The following CRISPLD1 variants were observed in gnomAD, a reference collection of about 807,000 sequenced individuals.
The protein encoded by CRISPLD1 is cysteine rich secretory protein LCCL domain containing 1.
In CRISPLD1, 60 loss-of-function variants were observed where a neutral mutation model predicts 77.5. The observed-to-expected ratio is 0.77, with a 90% CI of 0.63 to 0.96. CRISPLD1 has a LOEUF of 0.96. Among genes scored for constraint, CRISPLD1 ranks in the 40% least tolerant of loss-of-function variants. CRISPLD1 has a pLI of 0.00. For synonymous variants in CRISPLD1, 195 were observed against 200.1 expected, an observed-to-expected ratio of 0.97 and a Z score of 0.22; for missense variants, 623 against 615.8, an observed-to-expected ratio of 1.01 and a Z score of -0.12.
In CRISPLD1 at chr8:75,005,650, T is replaced by C. The variant is rs139043417; in HGVS notation, c.259-6783T>C. Among the ~76,000 whole-genome samples the C allele has an allele frequency of 5.9e-5, 9 of 152,218 alleles. No homozygotes were observed. The East Asian group carries it at 1.7e-3, about 29-fold the overall frequency. ...CTTGACTGCTCAGAACTGGGATAGG[T>C]AGGATTAGAGATATTGGAGTGCTTT... is the stretch of plus-strand genomic sequence containing the variant. On this transcript the variant is annotated intron_variant, in intron 2 of 14. Coordinates refer to ENST00000262207, the MANE Select transcript of CRISPLD1 (RefSeq NM_031461.6).
At chr8:74,997,250 TA>T (rs1812660320) in intron 2 of CRISPLD1, among the ~76,000 whole-genome samples, 1 of 152,034 alleles carries the variant, frequency 6.6e-6, no homozygotes, top group Non-Finnish European at 1.5e-5. Context: ...ATCAGGGTGA[TA>T]GGGGTAAAGA....
chr8:75,000,258 A>G lies in CRISPLD1; in HGVS notation c.259-12175A>G, dbSNP rs576111618. The G allele has an allele frequency of 5.5e-4, 540 of 985,332 alleles. 6 individuals are homozygous for G. In the South Asian group the frequency reaches 0.023, roughly 43 times the overall value. The allele number at this position is 985,332 out of a possible 1,614,324, so 61.0% of individuals were successfully genotyped here. A position where few individuals can be genotyped will look rare whatever the true frequency, so the allele number is the denominator to read the frequency against. On this transcript the variant is annotated intron_variant, in intron 2 of 14. Coordinates refer to ENST00000262207, the MANE Select transcript of CRISPLD1 (RefSeq NM_031461.6). ...AATCTGTATCTGAAATAGTGAATGA[A>G]TGAGATCAGATGTTGTCCAGAGAAG...
intron 14 of CRISPLD1, among the ~76,000 whole-genome samples, chr8:75,030,934 A>G (rs186050503): frequency 4.9e-4 from 74 of 152,138 alleles, no homozygotes; most frequent in African/African-American, 1.7e-3. Flanking sequence ...ATACATATAT[A>G]TATGTTAACT....
chr8:75,016,271 A>T (rs1281719839), intron 6 of CRISPLD1, among the ~76,000 whole-genome samples: 1 of 151,460 alleles, frequency 6.6e-6, no homozygotes, highest in Non-Finnish European at 1.5e-5. Context: ...TCATGGTGTC[A>T]TTATGAAAAT....
chr8:74,988,571 C>T (rs1812528765), intron 2 of CRISPLD1, among the ~76,000 whole-genome samples: 1 of 152,098 alleles, frequency 6.6e-6, no homozygotes, highest in Admixed American at 6.6e-5. Context: ...CACAGTGGTT[C>T]ACATCTGTAA....
At chr8:75,016,529 A>G (rs763886471) in intron 6 of CRISPLD1, 36 bp from the exon 7 acceptor site, 46 of 1,569,376 alleles carry the variant, frequency 2.9e-5, no homozygotes, top group Admixed American at 3.7e-5. Context: ...CATGTAAAAT[A>G]GGGTTAATAT....
intron 2 of CRISPLD1, among the ~76,000 whole-genome samples, chr8:74,993,771 T>A (rs756020194): frequency 2.6e-5 from 4 of 152,222 alleles, no homozygotes; most frequent in Non-Finnish European, 5.9e-5. Flanking sequence ...AATTTTGGAA[T>A]TGTGCTTTTA....
intron 2 of CRISPLD1, among the ~76,000 whole-genome samples, chr8:75,004,219 G>T (rs1226484622): frequency 6.6e-6 from 1 of 152,086 alleles, no homozygotes; most frequent in Non-Finnish European, 1.5e-5. Context: ...TAACACAAGT[G>T]TTTCCTTTGA....
In CRISPLD1 at chr8:75,017,103, A is replaced by G. The variant is rs745420208; in HGVS notation, c.986A>G (p.His329Arg). 10 of 1,610,794 alleles carry G rather than the reference A, an allele frequency of 6.2e-6. No individual in the cohort carries two copies. The Admixed American group carries it at 1.2e-4, about 19-fold the overall frequency. ...AAAGCTAAAGTTATTGGCAGTGTAC[A>G]TTATGAAATGGTAAGTGTTATAAAT... ...DSKAKVIGSV[H>R]YEMQSSICRA... The change falls in exon 9 of 15, where the codon CAT becomes CGT. Residue 329 changes from histidine (H) to arginine (R), a missense_variant. By Grantham distance (29) the His-to-Arg change is conservative (BLOSUM62 0). Transcript: ENST00000262207.
chr8:75,028,554 A>G (rs1813275863), intron 13 of CRISPLD1, among the ~76,000 whole-genome samples: 1 of 152,218 alleles, frequency 6.6e-6, no homozygotes, highest in South Asian at 2.1e-4. Context: ...GGACTAAAGC[A>G]AATGTTAAAA....
At chr8:74,998,896 A>G (rs1812688839) in intron 2 of CRISPLD1, among the ~76,000 whole-genome samples, 1 of 151,730 alleles carries the variant, frequency 6.6e-6, no homozygotes, top group Non-Finnish European at 1.5e-5. Flanking sequence ...ACATCTGGAG[A>G]CTAGAACGAG....
At position 75,012,989 on chromosome 8, in the gene CRISPLD1, G is replaced by C. The variant is rs1316955702; in HGVS notation, c.477G>C (p.Arg159Ser). The C allele has an allele frequency of 1.2e-6, 2 of 1,612,414 alleles. No individual in the cohort carries two copies. Among genetic ancestry groups the C allele is most frequent in the Non-Finnish European group, 1.7e-6 (2 of 1,179,054 alleles). ...EHECNPYCPF[R>S]CSGPVCTHYT... ...AATGCAACCCATATTGTCCATTCAGGTGTTCTGGCCCTGTATGTACACATT... is the reference window on the plus strand; with the variant it reads ...AATGCAACCCATATTGTCCATTCAGCTGTTCTGGCCCTGTATGTACACATT... Residue 159 changes from arginine to serine, a missense_variant, in exon 4 of 15, where the codon AGG (arginine) becomes AGC (serine). By Grantham distance (110) the Arg-to-Ser change is moderately radical. Coordinates refer to ENST00000262207, the MANE Select transcript of CRISPLD1 (RefSeq NM_031461.6).
chr8:75,016,379 A>G (rs147422206), intron 6 of CRISPLD1, among the ~76,000 whole-genome samples, 186 bp from the exon 7 acceptor site: 50 of 152,304 alleles, frequency 3.3e-4, no homozygotes, highest in African/African-American at 1.1e-3. Flanking sequence ...TTAAAGGCTT[A>G]TGTGTGTTCA....
At chr8:75,022,025 A>G (rs549993874) in intron 12 of CRISPLD1, among the ~76,000 whole-genome samples, 75 of 152,292 alleles carry the variant, frequency 4.9e-4, no homozygotes, top group African/African-American at 1.7e-3. Flanking sequence ...AACAAACTAT[A>G]TCAATATTAT....
chr8:74,995,591 C>G lies in CRISPLD1; in HGVS notation c.258+9346C>G, dbSNP rs373313948. Among the ~76,000 whole-genome samples the G allele has an allele frequency of 5.5e-3, 834 of 152,298 alleles. 6 individuals carry two copies. Among genetic ancestry groups the G allele is most frequent in the Non-Finnish European group, 9.3e-3 (634 of 68,030 alleles). On this transcript the variant is annotated intron_variant, in intron 2 of 14. Coordinates refer to ENST00000262207, the MANE Select transcript of CRISPLD1 (RefSeq NM_031461.6). ...CAGGGCTCAAGCCATCCTTCTACTT[C>G]AGCCTCCTGAGTAGCTGTGACTACA...
chr8:75,021,672 TTGCTC>T (rs978119096), intron 12 of CRISPLD1, among the ~76,000 whole-genome samples: 3 of 152,220 alleles, frequency 2.0e-5, no homozygotes, highest in South Asian at 2.1e-4. Context: ...AGATCATTGT[TTGCTC>T]TGTAGTCTTA....
rs1047811961 is a variant in CRISPLD1, at chr8:75,034,290, A to G, written c.*2048A>G. On this transcript the variant is annotated 3_prime_UTR_variant, in exon 15 of 15. Coordinates refer to ENST00000262207, the MANE Select transcript of CRISPLD1 (RefSeq NM_031461.6). ...TAACTTCAATTTACCTTACCTGTAA[A>G]ATGGAACAAATAATATCTCCTTAAG... 1 of 152,134 alleles carries G rather than the reference A, an allele frequency of 6.6e-6. No homozygotes were observed. The highest frequency in any genetic ancestry group is 1.5e-5 in the Non-Finnish European group (1 of 67,954). The allele number at this position is 152,134 out of a possible 1,614,324, so 9.4% of individuals were successfully genotyped here. A position where few individuals can be genotyped will look rare whatever the true frequency, so the allele number is the denominator to read the frequency against.
rs79227762 is a variant in CRISPLD1, at chr8:75,013,644, G to T, written c.511-343G>T. Reference sequence around the variant, plus strand: ...TTTTGCTCCAGTATTTGCTGTTTAGGATGTGATTTTCTGTTCCTTTGTCAG... The same window carrying T: ...TTTTGCTCCAGTATTTGCTGTTTAGTATGTGATTTTCTGTTCCTTTGTCAG... On this transcript the variant is annotated intron_variant, in intron 4 of 14. Coordinates refer to ENST00000262207, the MANE Select transcript of CRISPLD1 (RefSeq NM_031461.6). 7.5e-3 allele frequency among the ~76,000 whole-genome samples: 1,144 copies of T among 152,188 alleles called. 7 individuals carry two copies. Among genetic ancestry groups the T allele is most frequent in the Non-Finnish European group, 0.013 (865 of 67,982 alleles).
In CRISPLD1 at chr8:75,033,419, A is replaced by G. The variant is rs1327133474; in HGVS notation, c.*1177A>G. 2.0e-5 allele frequency: 3 copies of G among 152,040 alleles called. No individual in the cohort carries two copies. The highest frequency in any genetic ancestry group is 4.4e-5 in the Non-Finnish European group (3 of 67,882). The allele number at this position is 152,040 out of a possible 1,614,324, so 9.4% of individuals were successfully genotyped here. On this transcript the variant is annotated 3_prime_UTR_variant, in exon 15 of 15. Coordinates refer to ENST00000262207, the MANE Select transcript of CRISPLD1 (RefSeq NM_031461.6). ...TTATTGACGTTAGTATAAATAACAT[A>G]CAATACCAGATGTCTACAAAATCGA...
Sources: allele counts gnomAD v4.1 joint callset (sites outside exome capture counted in the v4.1 genomes callset), GRCh38; gene constraint gnomAD v4.1.1; transcripts MANE v1.5; gene names NCBI Gene and HGNC (gene_info 2026-07-23, HGNC 2026-07-21).